The following SEC11C variants were observed in gnomAD, a reference collection of about 807,000 sequenced individuals.
SEC11C encodes the protein SEC11 homolog C, signal peptidase complex subunit.
A neutral mutation model predicts 21.9 loss-of-function variants in SEC11C; 10 were observed. That is an observed-to-expected ratio of 0.46 (90% confidence interval 0.28 to 0.77). The LOEUF (loss-of-function observed/expected upper bound fraction) is 0.77, where lower values mean the gene tolerates loss of function less well. SEC11C is among the 30% of genes least tolerant of loss of function. The pLI is 0.12. For synonymous variants in SEC11C, 83 were observed against 85.6 expected (o/e 0.97, Z 0.17); for missense variants, 145 against 244.5 (o/e 0.59, Z 2.71).
chr18:59,142,819 G>A (rs1344545930), intron 1 of SEC11C, among the ~76,000 whole-genome samples: 2 of 152,150 alleles, frequency 1.3e-5, no homozygotes, highest in African/African-American at 2.4e-5. Context: ...CATTTGATGA[G>A]GGATAAAAGA....
intron 2 of SEC11C, among the ~76,000 whole-genome samples, chr18:59,150,237 C>T (rs961719627): frequency 2.0e-5 from 3 of 152,176 alleles, no homozygotes; most frequent in Non-Finnish European, 2.9e-5. Context: ...AAGACGCTGT[C>T]GGTCCAGTGT....
At chr18:59,140,056 G>C (rs2069191010) in intron 1 of SEC11C, 21 bp downstream of exon 1, 1 of 1,558,508 alleles carries the variant, frequency 6.4e-7, no homozygotes, top group Non-Finnish European at 8.7e-7. Flanking sequence ...AGGGTGGTGA[G>C]CGCGCCGTGG....
intron 1 of SEC11C, 64 bp from the exon 2 acceptor site, chr18:59,149,449 G>C: frequency 2.8e-6 from 3 of 1,077,212 alleles, no homozygotes; most frequent in African/African-American, 3.1e-5. Context: ...TGCATCTCCA[G>C]CTTCACAGGT....
At chr18:59,149,656 C>A in intron 2 of SEC11C, 34 bp downstream of exon 2, 2 of 1,414,068 alleles carry the variant, frequency 1.4e-6, no homozygotes, top group South Asian at 1.2e-5. Context: ...AGCCTCCAAC[C>A]TCCATCACAA....
chr18:59,144,326 T>C (rs1019373223), intron 1 of SEC11C, among the ~76,000 whole-genome samples: 1 of 152,236 alleles, frequency 6.6e-6, no homozygotes, highest in South Asian at 2.1e-4. Flanking sequence ...TTAATACTAA[T>C]GCCAAATAGC....
At chr18:59,157,777 C>T in intron 5 of SEC11C, 112 bp downstream of exon 5, 1 of 719,614 alleles carries the variant, frequency 1.4e-6, no homozygotes. Flanking sequence ...AATAGGCCTG[C>T]AGAATATCTG....
intron 2 of SEC11C, among the ~76,000 whole-genome samples, chr18:59,151,468 A>C (rs371104132): frequency 1.3e-5 from 2 of 152,238 alleles, no homozygotes; most frequent in African/African-American, 4.8e-5. Context: ...TTCCCCCATC[A>C]TTCAGATTGG....
Position 59,152,544 on chromosome 18 carries a change from T to C in SEC11C, c.206T>C (p.Met69Thr). 8.1e-6 allele frequency: 13 copies of C among 1,602,212 alleles called. No individual in the cohort carries two copies. The highest frequency in any genetic ancestry group is 1.1e-5 in the Non-Finnish European group (13 of 1,176,594). The change falls in exon 3 of 6, where the codon ATG becomes ACG. Residue 69 changes from methionine to threonine, a missense_variant. Met to Thr is a moderately conservative substitution (Grantham distance 81). Coordinates refer to ENST00000587834, the MANE Select transcript of SEC11C (RefSeq NM_033280.4). Reference sequence around the variant, plus strand: ...TTTGTGCTTCTTTCCAGTGGCAGTATGGAGCCGGCCTTTCACAGAGGAGAC... The same window carrying C: ...TTTGTGCTTCTTTCCAGTGGCAGTACGGAGCCGGCCTTTCACAGAGGAGAC... ...SPIVVVLSGSMEPAFHRGDLL... is the reference protein window; with the variant it reads ...SPIVVVLSGSTEPAFHRGDLL...
At chr18:59,152,929 T>G (rs2069375432) in intron 3 of SEC11C, 1 of 311,816 alleles carries the variant, frequency 3.2e-6, no homozygotes, top group Admixed American at 4.7e-5. Context: ...TTCATAAACT[T>G]AAATTGCTGC....
intron 1 of SEC11C, among the ~76,000 whole-genome samples, chr18:59,140,479 G>C (rs774168882): frequency 2.0e-5 from 3 of 152,218 alleles, no homozygotes; most frequent in Non-Finnish European, 4.4e-5. Context: ...TCCTACAACG[G>C]GAGCTGTCCA....
chr18:59,158,576 C>T (rs2069445574), intron 5 of SEC11C, 56 bp from the exon 6 acceptor site: 3 of 1,441,162 alleles, frequency 2.1e-6, no homozygotes. Flanking sequence ...AATACATTTA[C>T]AGACCAAATT....
intron 2 of SEC11C, among the ~76,000 whole-genome samples, chr18:59,151,042 G>T (rs2069346008): frequency 6.6e-6 from 1 of 152,148 alleles, no homozygotes; most frequent in African/African-American, 2.4e-5. Flanking sequence ...CCTAAGGGAT[G>T]TGTGGTTTTT....
intron 2 of SEC11C, among the ~76,000 whole-genome samples, chr18:59,151,498 C>A (rs977012977): frequency 6.6e-6 from 1 of 152,130 alleles, no homozygotes; most frequent in Non-Finnish European, 1.5e-5. Context: ...AATGCTTCAT[C>A]CATGTCCATA....
chr18:59,140,061 C>T (rs925314398), intron 1 of SEC11C, 26 bp downstream of exon 1: 2 of 1,552,180 alleles, frequency 1.3e-6, no homozygotes, highest in African/African-American at 2.8e-5. Context: ...GGTGAGCGCG[C>T]CGTGGCCGGG....
intron 3 of SEC11C, chr18:59,153,318 A>T (rs1252786757): frequency 6.6e-6 from 1 of 152,238 alleles, no homozygotes; most frequent in Non-Finnish European, 1.5e-5. Context: ...GCCATGAGAG[A>T]GTACTTCACA....
intron 1 of SEC11C, among the ~76,000 whole-genome samples, chr18:59,146,043 G>A (rs1438373604): frequency 2.6e-5 from 4 of 152,196 alleles, no homozygotes; most frequent in Non-Finnish European, 4.4e-5. Context: ...ATGAAGTGGC[G>A]CATGACCGCC....
intron 4 of SEC11C, chr18:59,156,877 A>G (rs2069423937): frequency 6.6e-6 from 1 of 152,234 alleles, no homozygotes; most frequent in South Asian, 2.1e-4. Context: ...GAGGGCTTCC[A>G]GTTAGTCCAT....
At chr18:59,140,083 T>TA in intron 1 of SEC11C, 48 bp downstream of exon 1, 1 of 1,486,540 alleles carries the variant, frequency 6.7e-7, no homozygotes, top group Non-Finnish European at 9.1e-7. Flanking sequence ...CCGCCTGTGC[T>TA]AGCGGGGAGT....
At chr18:59,143,543 C>T (rs2877400) in intron 1 of SEC11C, among the ~76,000 whole-genome samples, 17,816 of 152,070 alleles carry the variant, frequency 0.12, 1,446 homozygotes, top group East Asian at 0.25. Context: ...AGAGACAGTT[C>T]TGAGCTCTGC....
Sources: gnomAD v4.1 joint callset for allele counts (sites outside exome capture counted in the v4.1 genomes callset) on GRCh38, gnomAD v4.1.1 for gene constraint, MANE v1.5 for transcripts, NCBI Gene and HGNC (gene_info 2026-07-23, HGNC 2026-07-21) for gene names.